HOOK2: variants seen among roughly 807,000 people sequenced by gnomAD.
HOOK2 encodes the protein protein Hook homolog 2.
Under a neutral mutation model 111.9 loss-of-function variants are expected in HOOK2, and 108 were observed. That is an observed-to-expected ratio of 0.96 (90% CI 0.83 to 1.13). The LOEUF is 1.13. Among genes scored for constraint, HOOK2 ranks in the 50% most tolerant of loss-of-function variants. The pLI, the probability that HOOK2 is intolerant of heterozygous loss-of-function variation, is 0.00. For synonymous variants in HOOK2, 405 were observed against 394.3 expected, an observed-to-expected ratio of 1.03 and a Z score of -0.32; for missense variants, 978 against 951.3, an observed-to-expected ratio of 1.03 and a Z score of -0.37.
chr19:12,789,684 G>A (rs1297984083), intron 3 of HOOK2, among the ~76,000 whole-genome samples: 2 of 151,508 alleles, frequency 1.3e-5, no homozygotes, highest in African/African-American at 2.4e-5. Flanking sequence ...CGGGCCGGGG[G>A]CGAAGTCCGA....
chr19:12,772,042 C>T (rs1396282423), intron 7 of HOOK2, 148 bp downstream of exon 7: 1 of 683,358 alleles, frequency 1.5e-6, no homozygotes, highest in Non-Finnish European at 2.6e-6. Flanking sequence ...GCCCCTCCCC[C>T]TTAGGCTACC....
chr19:12,771,524 C>A, intron 7 of HOOK2, 47 bp from the exon 8 acceptor site: 1 of 1,522,406 alleles, frequency 6.6e-7, no homozygotes, highest in Non-Finnish European at 9.0e-7. Context: ...AGGAGAAGGA[C>A]GGGGGGAGGG....
chr19:12,775,347 G>A, intron 1 of HOOK2, 58 bp downstream of exon 1: 1 of 1,588,876 alleles, frequency 6.3e-7, no homozygotes, highest in Non-Finnish European at 8.6e-7. Context: ...CCAGGGCCAG[G>A]GATCCCGGGC....
intron 12 of HOOK2, 43 bp downstream of exon 12, chr19:12,767,970 G>T (rs373030296): frequency 1.2e-6 from 2 of 1,610,586 alleles, no homozygotes; most frequent in African/African-American, 2.7e-5. Context: ...GGCTACCCCA[G>T]AATTGGCAGG....
At chr19:12,774,946 C>T (rs1257205860) in intron 1 of HOOK2, 49 bp from the exon 2 acceptor site, 2 of 1,525,666 alleles carry the variant, frequency 1.3e-6, no homozygotes, top group East Asian at 4.7e-5. Context: ...CTGGGAGCGC[C>T]GAACCGCTCC....
At chr19:12,775,304 C>T in intron 1 of HOOK2, 101 bp downstream of exon 1, 2 of 1,516,612 alleles carry the variant, frequency 1.3e-6, no homozygotes, top group Admixed American at 2.2e-5. Context: ...CGACCCCGCA[C>T]CTCCCAGCCC....
At chr19:12,766,339 G>C in intron 14 of HOOK2, 99 bp from the exon 15 acceptor site, 2 of 1,382,674 alleles carry the variant, frequency 1.4e-6, no homozygotes, top group Non-Finnish European at 1.9e-6. Context: ...CAGAGCCCTG[G>C]GGAAGAGCCC....
At chr19:12,784,627 A>G (rs1688852722) in intron 3 of HOOK2, 1 of 152,412 alleles carries the variant, frequency 6.6e-6, no homozygotes, top group South Asian at 2.1e-4. Flanking sequence ...CATAGGGGCA[A>G]GACAGACACA....
chr19:12,763,290 T>C lies in HOOK2; in HGVS notation c.2152A>G (p.Lys718Glu). Reference protein sequence around the residue: ...LASLNLRPTDKH With the variant: ...LASLNLRPTDEH ...CTTGATTGTGAGGTCTGTCAGTGCT[T>C]GTCAGTGGGGCGAAGGTTCAGAGAT... Residue 718 changes from lysine to glutamate, a missense_variant, in exon 23 of 23, where the codon AAG becomes GAG. This residue lies in a region of HOOK2 where 277 missense variants were observed against 265.8 expected (regional missense o/e 1.04). Coordinates refer to ENST00000397668, the MANE Select transcript of HOOK2 (RefSeq NM_013312.3). The C allele has an allele frequency of 6.2e-7, 1 of 1,613,402 alleles. No individual in the cohort carries two copies.
chr19:12,772,894 A>G lies in HOOK2; in HGVS notation c.274T>C (p.Ser92Pro). 1 of 1,614,176 alleles carries G rather than the reference A, an allele frequency of 6.2e-7. No individual in the cohort carries two copies. The highest frequency in any genetic ancestry group is 8.5e-7 in the Non-Finnish European group (1 of 1,180,032). Residue 92 changes from serine (S) to proline (P), a missense_variant, in exon 5 of 23, where the codon TCA becomes CCA. This residue lies in a region of HOOK2 where 301 missense variants were observed against 286.1 expected (regional missense o/e 1.05). Transcript: ENST00000397668. Reference protein sequence around the residue: ...YSQDVLAHPVSEEHLPDVSLI... With the variant: ...YSQDVLAHPVPEEHLPDVSLI... ...CTCACATCTGGGAGATGCTCTTCTG[A>G]CACAGGATGCGCCAGGACCTGGGGA...
At chr19:12,766,374 C>A (rs1315203332) in intron 14 of HOOK2, 134 bp from the exon 15 acceptor site, 2 of 1,121,356 alleles carry the variant, frequency 1.8e-6, no homozygotes, top group African/African-American at 1.6e-5. Context: ...GTTGGAGCAC[C>A]GAGGACCTAC....
Position 12,774,872 on chromosome 19 carries a change from G to A in HOOK2, c.71C>T (p.Pro24Leu), listed in dbSNP as rs1599506489. ...TWLQTFHVPS[P>L]CASPQDLSSG... ...GCTCAGGTCCTGAGGGCTGGCACAG[G>A]GAGACGGAACGTGGAACGTCTGTAA... Residue 24 changes from proline to leucine, a missense_variant, in exon 2 of 23, where the codon CCC becomes CTC. Transcript: ENST00000397668. 1.2e-6 allele frequency: 2 copies of A among 1,614,130 alleles called. No individual in the cohort carries two copies. Among genetic ancestry groups the A allele is most frequent in the African/African-American group, 2.7e-5 (2 of 75,060 alleles).
rs1156839824 is a variant in HOOK2 at position 12,772,616 on chromosome 19, T to C, written c.453A>G (p.Gln151=). 2 of 1,614,038 alleles carry C rather than the reference T, an allele frequency of 1.2e-6. No homozygotes were observed. Among genetic ancestry groups the C allele is most frequent in the Admixed American group, 1.7e-5 (1 of 60,012 alleles). Residue 151 remains glutamine, a synonymous_variant, in exon 6 of 23, where the codon CAA becomes CAG. Coordinates refer to ENST00000397668, the MANE Select transcript of HOOK2 (RefSeq NM_013312.3). ...CACACTGAGTGCCCCCACCCACCTC[T>C]TGGATGGCTTCCATCACCACATGCT... The part of the protein sequence containing the change: ...SVQHVVMEAI[Q]ELMTKDTPDS...
rs777253581 is a variant in HOOK2, at chr19:12,764,934, C to T, written c.1724-17G>A. The T allele has an allele frequency of 1.2e-6, 2 of 1,607,706 alleles. No homozygotes were observed. Among genetic ancestry groups the T allele is most frequent in the East Asian group, 2.2e-5 (1 of 44,526 alleles). On this transcript the variant is annotated splice_polypyrimidine_tract_variant and intron_variant, in intron 19 of 22. Transcript: ENST00000397668. ...GCCGGGCTGCTGGCGGAAGAGGTGG[C>T]CCATCAGCTCCACGCTGCTGGGCTC... is the stretch of plus-strand genomic sequence containing the variant.
At position 12,763,655 on chromosome 19, in the gene HOOK2, C is replaced by G. The variant is rs770973953; in HGVS notation, c.1938+13G>C. On this transcript the variant is annotated intron_variant, in intron 21 of 22. Transcript: ENST00000397668. ...ATACGTTGGAGGCAGCGTAAAGGGA[C>G]GAGGACACCCACCTCCAGGTGTCGG... The G allele has an allele frequency of 6.2e-7, 1 of 1,613,896 alleles. No individual in the cohort carries two copies. The highest frequency in any genetic ancestry group is 1.3e-5 in the African/African-American group (1 of 74,930).
At chr19:12,772,301 C>A (rs775843216) in intron 6 of HOOK2, 49 bp from the exon 7 acceptor site, 16 of 1,579,790 alleles carry the variant, frequency 1.0e-5, no homozygotes, top group South Asian at 5.5e-5. Context: ...CTGAGGCCAG[C>A]CTTCAAAGTA....
In HOOK2 at chr19:12,766,205, C is replaced by T. The variant is rs1599475885; in HGVS notation, c.1409G>A (p.Arg470Gln). Residue 470 changes from arginine to glutamine, a missense_variant, in exon 15 of 23, where the codon CGG (arginine) becomes CAG (glutamine). This residue lies in a region of HOOK2 where 388 missense variants were observed against 358.3 expected (regional missense o/e 1.08). Coordinates refer to ENST00000397668, the MANE Select transcript of HOOK2 (RefSeq NM_013312.3). ...GTCGGCCGCCTCCTGCCTGCACAGCCGCTTGTTCTCCAGCTGAAGCCGCAG... is the reference window on the plus strand; with the variant it reads ...GTCGGCCGCCTCCTGCCTGCACAGCTGCTTGTTCTCCAGCTGAAGCCGCAG... ...TLLRLQLENK[R>Q]LCRQEAADRE... is the part of the protein sequence containing the mutation. 4 of 1,594,768 alleles carry T rather than the reference C, an allele frequency of 2.5e-6. No individual in the cohort carries two copies. The highest frequency in any genetic ancestry group is 3.4e-6 in the Non-Finnish European group (4 of 1,177,290).
chr19:12,777,337 C>T (rs1333888819), upstream of HOOK2, among the ~76,000 whole-genome samples: 1 of 151,790 alleles, frequency 6.6e-6, no homozygotes, highest in Admixed American at 6.6e-5. Flanking sequence ...ATAAAAGTAG[C>T]TGGGCGTGGT....
At chr19:12,774,188 C>T in intron 3 of HOOK2, 2 of 186,730 alleles carry the variant, frequency 1.1e-5, no homozygotes, top group Non-Finnish European at 2.3e-5. Flanking sequence ...TCACTGCATC[C>T]TCCACCTCCC....
Sources: allele counts gnomAD v4.1 joint callset (sites outside exome capture counted in the v4.1 genomes callset), GRCh38; gene constraint gnomAD v4.1.1; regional missense constraint gnomAD v4.1.1; transcripts MANE v1.5; gene names NCBI Gene and HGNC (gene_info 2026-07-23, HGNC 2026-07-21).